Variants in PAK2 observed in about 807,000 individuals in gnomAD.
PAK2 encodes the protein p21 (RAC1) activated kinase 2.
In PAK2, 21 loss-of-function variants were observed where a neutral mutation model predicts 65.9. That is an observed-to-expected ratio of 0.32 (90% confidence interval 0.23 to 0.46). The LOEUF is 0.46. Among genes scored for constraint, PAK2 ranks in the 20% least tolerant of loss-of-function variants. PAK2 has a pLI of 1.00. For missense variants in PAK2, 324 were observed against 642.6 expected (o/e 0.50, Z 5.36); for synonymous variants, 204 against 219.7 (o/e 0.93, Z 0.63).
intron 13 of PAK2, among the ~76,000 whole-genome samples, chr3:196,826,479 T>TG (rs1711880231): frequency 2.0e-5 from 3 of 152,108 alleles, no homozygotes; most frequent in African/African-American, 7.2e-5. Flanking sequence ...GCCTTGGTTT[T>TG]TTTTTGTTTT....
chr3:196,815,146 C>T (rs1715964228), intron 11 of PAK2, among the ~76,000 whole-genome samples: 1 of 151,688 alleles, frequency 6.6e-6, no homozygotes, highest in African/African-American at 2.4e-5. Flanking sequence ...CACCACTGCA[C>T]TCCAGCCTGG....
At chr3:196,796,177 G>A (rs983314911) in intron 2 of PAK2, among the ~76,000 whole-genome samples, 1 of 152,142 alleles carries the variant, frequency 6.6e-6, no homozygotes, top group African/African-American at 2.4e-5. Context: ...CCAGTTTGTG[G>A]CCTGGGGGCT....
chr3:196,825,377 C>T (rs962126122), intron 13 of PAK2, among the ~76,000 whole-genome samples: 5 of 150,048 alleles, frequency 3.3e-5, no homozygotes, highest in East Asian at 2.0e-4. Flanking sequence ...GATGCAGTGG[C>T]TCACACCTGT....
At chr3:196,751,674 C>CATATATATATATATATACATAT (rs1553799658) in intron 1 of PAK2, among the ~76,000 whole-genome samples, 3 of 71,818 alleles carry the variant, frequency 4.2e-5, no homozygotes, top group Admixed American at 1.6e-4. Context: ...TATTTATATA[C>CATATATATATATATATACATAT]ATATATATAT....
intron 1 of PAK2, among the ~76,000 whole-genome samples, chr3:196,745,818 T>TAAAAA (rs747996109): frequency 0.025 from 3,604 of 142,120 alleles, 71 homozygotes; most frequent in South Asian, 0.09. Context: ...CATCTCTAAG[T>TAAAAA]AAAAAAAAAA....
At chr3:196,797,683 G>A (rs1002654411) in intron 2 of PAK2, among the ~76,000 whole-genome samples, 8 of 150,618 alleles carry the variant, frequency 5.3e-5, no homozygotes, top group East Asian at 3.9e-4. Flanking sequence ...CCCAGGAGGC[G>A]GAGGTTGCAG....
intron 7 of PAK2, 126 bp from the exon 8 acceptor site, chr3:196,810,464 G>T: frequency 1.5e-6 from 1 of 666,106 alleles, no homozygotes; most frequent in South Asian, 1.7e-5. Flanking sequence ...TGTTATTTTT[G>T]GAACTTAGTA....
intron 1 of PAK2, among the ~76,000 whole-genome samples, chr3:196,754,447 A>G (rs573237412): frequency 1.2e-4 from 19 of 152,264 alleles, no homozygotes; most frequent in African/African-American, 4.6e-4. Context: ...CTGAGGGATA[A>G]ATACACAGCT....
At chr3:196,808,373 C>T (rs1418817988) in intron 7 of PAK2, among the ~76,000 whole-genome samples, 2 of 151,528 alleles carry the variant, frequency 1.3e-5, no homozygotes, top group African/African-American at 4.9e-5. Context: ...CCATCCTGGC[C>T]AGTATGGTGA....
In PAK2 at chr3:196,820,735, T is replaced by G. The variant is rs578017840; in HGVS notation, c.1350+168T>G. On this transcript the variant is annotated intron_variant, in intron 13 of 14. Coordinates refer to ENST00000327134, the MANE Select transcript of PAK2 (RefSeq NM_002577.4). The surrounding 1 kb of genome is among the most constrained non-coding windows in gnomAD (Gnocchi z 4.6). The stretch of plus-strand genomic sequence containing the variant: ...ATCATTTGCTCTCTGAGTTACAAAT[T>G]AATGTGTTAGGTGAAGACTTTGTAG... Among the ~76,000 whole-genome samples, 89 of 152,322 alleles carry G rather than the reference T, an allele frequency of 5.8e-4. No individual in the cohort carries two copies. Among genetic ancestry groups the G allele is most frequent in the African/African-American group, 1.7e-3 (72 of 41,578 alleles).
At chr3:196,744,789 T>C (rs1411331199) in intron 1 of PAK2, among the ~76,000 whole-genome samples, 1 of 152,218 alleles carries the variant, frequency 6.6e-6, no homozygotes, top group East Asian at 1.9e-4. Flanking sequence ...TTTAATTATT[T>C]GTGATCATTT....
In PAK2 at chr3:196,772,523, C is replaced by A. The variant is rs555574066; in HGVS notation, c.-21-10103C>A. The stretch of plus-strand genomic sequence containing the variant: ...AAGTTTTAGTTTCCTTCTTTTTTAC[C>A]AGCCTCCAGATTGTGTTTTCTGCAT... On this transcript the variant is annotated intron_variant, in intron 1 of 14. Coordinates refer to ENST00000327134, the MANE Select transcript of PAK2 (RefSeq NM_002577.4). Among the ~76,000 whole-genome samples, 26 of 152,182 alleles carry A rather than the reference C, an allele frequency of 1.7e-4. No individual in the cohort carries two copies. In the South Asian group the frequency reaches 5.4e-3, roughly 32 times the overall value.
In PAK2 at chr3:196,829,885, G is replaced by A. The variant is rs1290567080; in HGVS notation, c.*1480G>A. ...GACCTGTAGCATTAATTATTTGAGT[G>A]CCCTCCCTTCTCCCCTCCCCTCCCT... On this transcript the variant is annotated 3_prime_UTR_variant, in exon 15 of 15. Transcript: ENST00000327134. 3 of 151,878 alleles carry A rather than the reference G, an allele frequency of 2.0e-5. No homozygotes were observed. The highest frequency in any genetic ancestry group is 1.3e-4 in the Admixed American group (2 of 15,226). The allele number at this position is 151,878 out of a possible 1,614,324, so 9.4% of individuals were successfully genotyped here. A position where few individuals can be genotyped will look rare whatever the true frequency, so the allele number is the denominator to read the frequency against.
intron 10 of PAK2, among the ~76,000 whole-genome samples, chr3:196,813,169 A>G (rs1715882641): frequency 1.3e-5 from 2 of 152,122 alleles, no homozygotes; most frequent in African/African-American, 2.4e-5. Context: ...GACTGGTTAC[A>G]TGGTTTTTAA....
intron 2 of PAK2, among the ~76,000 whole-genome samples, chr3:196,793,177 T>C (rs1715131917): frequency 6.6e-6 from 1 of 152,120 alleles, no homozygotes; most frequent in African/African-American, 2.4e-5. Flanking sequence ...ATCCCCATCC[T>C]CCGGAAGGAA....
intron 2 of PAK2, among the ~76,000 whole-genome samples, chr3:196,787,460 T>TC (rs1180675195): frequency 6.6e-6 from 1 of 151,728 alleles, no homozygotes; most frequent in Non-Finnish European, 1.5e-5. Context: ...GTGCCTGTAG[T>TC]CCCAGCTACT....
At chr3:196,808,493 G>A (rs945301267) in intron 7 of PAK2, among the ~76,000 whole-genome samples, 6 of 149,812 alleles carry the variant, frequency 4.0e-5, no homozygotes, top group Non-Finnish European at 5.9e-5. Context: ...CCCGGGAGGC[G>A]GAGGTTATAG....
At chr3:196,793,284 A>C (rs978109581) in intron 2 of PAK2, among the ~76,000 whole-genome samples, 2 of 152,210 alleles carry the variant, frequency 1.3e-5, no homozygotes, top group African/African-American at 4.8e-5. Flanking sequence ...GAAGCACCAG[A>C]ATAAAGCAGG....
At chr3:196,764,432 A>G (rs1263137178) in intron 1 of PAK2, among the ~76,000 whole-genome samples, 1 of 151,864 alleles carries the variant, frequency 6.6e-6, no homozygotes, top group Non-Finnish European at 1.5e-5. Context: ...CCTGGCCAAC[A>G]TGGTGTGAAG....
Sources: gnomAD v4.1 joint callset for allele counts (sites outside exome capture counted in the v4.1 genomes callset) on GRCh38, gnomAD v4.1.1 for gene constraint, Gnocchi (gnomAD v3.1) non-coding constraint, MANE v1.5 for transcripts, NCBI Gene and HGNC (gene_info 2026-07-23, HGNC 2026-07-21) for gene names.